SLC25A48: variants seen among roughly 807,000 people sequenced by gnomAD.
SLC25A48 encodes the protein solute carrier family 25 member 48.
In SLC25A48, 29 loss-of-function variants were observed where a neutral mutation model predicts 32.2. The ratio of observed to expected loss-of-function variants is 0.90; its 90% CI spans 0.67 to 1.23. The LOEUF (loss-of-function observed/expected upper bound fraction) is 1.23, where lower values mean the gene tolerates loss of function less well. SLC25A48 is among the 50% of genes most tolerant of loss of function. SLC25A48 has a pLI of 0.00. For missense variants in SLC25A48, 399 were observed against 422.7 expected (o/e 0.94, Z 0.49); for synonymous variants, 164 against 172.3 (o/e 0.95, Z 0.38).
chr5:135,753,464 T>C (rs1450832900), intron 3 of SLC25A48, among the ~76,000 whole-genome samples: 1 of 152,014 alleles, frequency 6.6e-6, no homozygotes, highest in East Asian at 1.9e-4. Flanking sequence ...TATCATGGGG[T>C]ATACACACAG....
intron 3 of SLC25A48, among the ~76,000 whole-genome samples, chr5:135,641,692 G>A (rs1752841252): frequency 6.6e-6 from 1 of 152,174 alleles, no homozygotes; most frequent in African/African-American, 2.4e-5. Flanking sequence ...CCAACAGGAG[G>A]CATTTCTGTG....
Position 135,600,112 on chromosome 5 carries a change from A to G in SLC25A48, c.-849+20515A>G, listed in dbSNP as rs1318369900. 3.3e-5 allele frequency among the ~76,000 whole-genome samples: 5 copies of G among 152,214 alleles called. No individual in the cohort carries two copies. In the East Asian group the frequency reaches 9.7e-4, roughly 29 times the overall value. On this transcript the variant is annotated intron_variant, in intron 1 of 10. Transcript: ENST00000646290. ...TCTTCTGGCCTCATTACAGCTTTTC[A>G]TGCTGGGAACTGTGTCTTTGGGTGT...
At chr5:135,760,683 G>A (rs373350625) in intron 3 of SLC25A48, among the ~76,000 whole-genome samples, 4 of 152,120 alleles carry the variant, frequency 2.6e-5, no homozygotes, top group Non-Finnish European at 5.9e-5. Flanking sequence ...TAAGTCACCC[G>A]GGAAATTGAG....
Position 135,762,716 on chromosome 5 carries a change from T to TG in SLC25A48, c.-520-49806dup, listed in dbSNP as rs140062623. ...GGGAGTGAGAATGAGTGTGTGCGTG[T>TG]GTAAGTTGAATATGAGTGTGTGCAT... On this transcript the variant is annotated intron_variant, in intron 3 of 10. Transcript: ENST00000646290. 3.7e-3 allele frequency among the ~76,000 whole-genome samples: 566 copies of TG among 152,178 alleles called. 2 individuals are homozygous for TG. Among genetic ancestry groups the TG allele is most frequent in the Middle Eastern group, 0.01 (3 of 294 alleles).
At chr5:135,835,890 A>G (rs73789200) in intron 1 of SLC25A48, among the ~76,000 whole-genome samples, 28,599 of 151,920 alleles carry the variant, frequency 0.19, 2,828 homozygotes, top group Middle Eastern at 0.25. Context: ...GCCCTGCTTC[A>G]CACCTTCCTG....
At chr5:135,775,802 A>C (rs4510576) in intron 3 of SLC25A48, among the ~76,000 whole-genome samples, 45,856 of 151,394 alleles carry the variant, frequency 0.3, 7,107 homozygotes, top group East Asian at 0.46. Flanking sequence ...AAAATTTAGG[A>C]AGGGAGAGGA....
At chr5:135,650,739 A>C (rs1377787005) in intron 3 of SLC25A48, among the ~76,000 whole-genome samples, 1 of 152,058 alleles carries the variant, frequency 6.6e-6, no homozygotes, top group Admixed American at 6.5e-5. Flanking sequence ...AACTGAGAAC[A>C]TCCAGTCCCC....
intron 3 of SLC25A48, among the ~76,000 whole-genome samples, chr5:135,651,968 G>A (rs1419795302): frequency 6.6e-6 from 1 of 152,236 alleles, no homozygotes; most frequent in African/African-American, 2.4e-5. Context: ...TGAGTCCCGT[G>A]TGAATGCCCA....
At chr5:135,860,926 T>C (rs900320430) in intron 4 of SLC25A48, among the ~76,000 whole-genome samples, 3 of 152,100 alleles carry the variant, frequency 2.0e-5, no homozygotes, top group African/African-American at 4.8e-5. Context: ...GGGGGCCACA[T>C]TGAGGTGAGA....
In SLC25A48 at chr5:135,883,276, A is replaced by C. The variant is rs562113275; in HGVS notation, c.*7+3179A>C. 24 of 985,494 alleles carry C rather than the reference A, an allele frequency of 2.4e-5. No homozygotes were observed. In the East Asian group the frequency reaches 1.8e-3, roughly 75 times the overall value. 61.0% of individuals were successfully genotyped at this position (985,494 alleles called of 1,614,324 possible). ...GAGGGATTCAACTGACCATTGGTCA[A>C]CTGATCACCAACTATTCCAGCTTTG... is the stretch of plus-strand genomic sequence containing the variant. On this transcript the variant is annotated intron_variant, in intron 7 of 7. Transcript: ENST00000681962.
chr5:135,745,177 T>C (rs573556137), intron 3 of SLC25A48, among the ~76,000 whole-genome samples: 5 of 152,340 alleles, frequency 3.3e-5, no homozygotes, highest in South Asian at 4.1e-4. Context: ...CACATACTTA[T>C]TGACAGCAAG....
At chr5:135,798,269 T>A (rs1757236441) in intron 3 of SLC25A48, among the ~76,000 whole-genome samples, 1 of 151,706 alleles carries the variant, frequency 6.6e-6, no homozygotes. Context: ...ATATTGTTTC[T>A]AATATCCAGG....
At chr5:135,847,526 G>A (rs796411920) in intron 2 of SLC25A48, among the ~76,000 whole-genome samples, 10 of 152,332 alleles carry the variant, frequency 6.6e-5, no homozygotes, top group African/African-American at 2.4e-4. Context: ...TTGCAGGTAT[G>A]ATTATGTTAA....
At chr5:135,722,686 T>C (rs1172659021) in intron 3 of SLC25A48, among the ~76,000 whole-genome samples, 1 of 152,222 alleles carries the variant, frequency 6.6e-6, no homozygotes, top group Non-Finnish European at 1.5e-5. Flanking sequence ...ATAACGCATG[T>C]AAAGCTTTCA....
intron 3 of SLC25A48, among the ~76,000 whole-genome samples, chr5:135,741,154 T>C (rs1190112183): frequency 6.6e-6 from 1 of 152,188 alleles, no homozygotes; most frequent in East Asian, 1.9e-4. Context: ...GCCTGGTAAC[T>C]TGCCCAAGGT....
At chr5:135,837,585 C>A (rs1309801428) in intron 1 of SLC25A48, among the ~76,000 whole-genome samples, 10 of 152,124 alleles carry the variant, frequency 6.6e-5, no homozygotes, top group Non-Finnish European at 1.0e-4. Flanking sequence ...ATGGGAGGGA[C>A]CCCTGTGGGA....
rs1158569530 is a variant in SLC25A48 at position 135,806,573 on chromosome 5, TATAA to T, written c.-520-5946_-520-5943del. On this transcript the variant is annotated intron_variant, in intron 3 of 10. Transcript: ENST00000646290. ...AATATCGTGTGTTAACACTAGATGT[TATAA>T]ATATCATTGATTTTTTAATATCATA... 2.6e-5 allele frequency among the ~76,000 whole-genome samples: 4 copies of T among 151,082 alleles called. No homozygotes were observed. In the South Asian group the frequency reaches 6.3e-4, roughly 24 times the overall value.
intron 1 of SLC25A48, among the ~76,000 whole-genome samples, chr5:135,621,413 G>A (rs745455215): frequency 1.3e-5 from 2 of 152,098 alleles, no homozygotes; most frequent in Non-Finnish European, 2.9e-5. Flanking sequence ...TGTTACAAAG[G>A]TTATCTAGTA....
intron 3 of SLC25A48, among the ~76,000 whole-genome samples, chr5:135,671,295 G>A (rs148246207): frequency 2.0e-5 from 3 of 152,344 alleles, no homozygotes; most frequent in African/African-American, 7.2e-5. Flanking sequence ...GGTGGACACT[G>A]TGCTAGCCTT....
Sources: allele counts gnomAD v4.1 joint callset (sites outside exome capture counted in the v4.1 genomes callset), GRCh38; gene constraint gnomAD v4.1.1; transcripts MANE v1.5; gene names NCBI Gene and HGNC (gene_info 2026-07-23, HGNC 2026-07-21).